The following GVQW3 variants were observed in gnomAD, a reference collection of about 807,000 sequenced individuals.
GVQW3 encodes protein GVQW3.
Under a neutral mutation model 12.5 loss-of-function variants are expected in GVQW3, and 7 were observed. The observed-to-expected ratio is 0.56, with a 90% CI of 0.32 to 1.05. GVQW3 has a LOEUF of 1.05. Among genes scored for constraint, GVQW3 ranks in the 50% least tolerant of loss-of-function variants. GVQW3 has a pLI of 0.04. For synonymous variants in GVQW3, 71 were observed against 67.2 expected (o/e 1.06, Z -0.28); for missense variants, 188 against 190.8 (o/e 0.99, Z 0.09).
At chr11:76,394,279 A>T (rs1946920213) in intron 1 of GVQW3, among the ~76,000 whole-genome samples, 1 of 152,064 alleles carries the variant, frequency 6.6e-6, no homozygotes, top group South Asian at 2.1e-4. Context: ...GATCTTGTCC[A>T]TTCTTTCTAA....
At chr11:76,384,886 T>C (rs781146270) in intron 1 of GVQW3, among the ~76,000 whole-genome samples, 1 of 152,252 alleles carries the variant, frequency 6.6e-6, no homozygotes, top group African/African-American at 2.4e-5. Flanking sequence ...CTGAACCTCA[T>C]AGTAATCCTT....
intron 1 of GVQW3, among the ~76,000 whole-genome samples, chr11:76,401,773 CAA>C (rs5792720): frequency 3.3e-4 from 29 of 88,908 alleles, no homozygotes; most frequent in Admixed American, 4.5e-4. Flanking sequence ...AACTCTGTCT[CAA>C]AAAAAAAAAA....
intron 1 of GVQW3, among the ~76,000 whole-genome samples, chr11:76,388,205 G>A (rs543677270): frequency 6.6e-6 from 1 of 152,324 alleles, no homozygotes; most frequent in Non-Finnish European, 1.5e-5. Flanking sequence ...GGTAGCATTT[G>A]AATAAGCTTA....
chr11:76,381,741 TAC>T lies in GVQW3; in HGVS notation c.-85_-84del. Reference sequence around the variant, plus strand: ...AGAAGAGCAAGAAGAGCGATATGATTACACCTGCAGCCCTATAAAGATTGATC... The same window carrying T: ...AGAAGAGCAAGAAGAGCGATATGATTACCTGCAGCCCTATAAAGATTGATC... On this transcript the variant is annotated 5_prime_UTR_variant, in exon 1 of 2. The change abolishes the stop of an existing upstream ORF in the 5' untranslated region. Coordinates refer to ENST00000529331, the MANE Select transcript of GVQW3 (RefSeq NM_001347885.2). The T allele has an allele frequency of 8.4e-7, 1 of 1,195,298 alleles. No homozygotes were observed. The highest frequency in any genetic ancestry group is 1.5e-5 in the African/African-American group (1 of 65,104). The allele number at this position is 1,195,298 out of a possible 1,614,324, so 74.0% of individuals were successfully genotyped here.
intron 1 of GVQW3, among the ~76,000 whole-genome samples, chr11:76,397,002 CTTTTTTTT>C (rs11401694): frequency 7.2e-5 from 8 of 110,872 alleles, no homozygotes; most frequent in Non-Finnish European, 1.1e-4. Flanking sequence ...TCATTTATTC[CTTTTTTTT>C]TTTTTTTTTT....
rs1045987757 is a variant in GVQW3 at position 76,407,719 on chromosome 11, A to G, written c.*3961A>G. The G allele has an allele frequency of 6.6e-6, 1 of 152,082 alleles. No individual in the cohort carries two copies. Among genetic ancestry groups the G allele is most frequent in the Non-Finnish European group, 1.5e-5 (1 of 68,030 alleles). The allele number at this position is 152,082 out of a possible 1,614,324, so 9.4% of individuals were successfully genotyped here. A position where few individuals can be genotyped will look rare whatever the true frequency, so the allele number is the denominator to read the frequency against. ...TGTAACAGCCATTCATTGCAGACTTATTTGTAAAAGTAGTAAAAAGAAGGA... is the reference window on the plus strand; with the variant it reads ...TGTAACAGCCATTCATTGCAGACTTGTTTGTAAAAGTAGTAAAAAGAAGGA... On this transcript the variant is annotated 3_prime_UTR_variant, in exon 2 of 2. Transcript: ENST00000529331.
chr11:76,391,350 G>A (rs936008125), intron 1 of GVQW3, among the ~76,000 whole-genome samples: 3 of 152,222 alleles, frequency 2.0e-5, no homozygotes, highest in African/African-American at 7.2e-5. Context: ...AAGCAAAACA[G>A]ACTAGAAGAC....
At chr11:76,410,580 A>G (rs982452080), downstream of GVQW3, among the ~76,000 whole-genome samples, 1 of 152,202 alleles carries the variant, frequency 6.6e-6, no homozygotes, top group African/African-American at 2.4e-5. Flanking sequence ...ACCCAAAGTG[A>G]ATCAGTCTCT....
intron 1 of GVQW3, among the ~76,000 whole-genome samples, chr11:76,403,197 C>T (rs907810229): frequency 6.6e-6 from 1 of 152,180 alleles, no homozygotes; most frequent in Admixed American, 6.5e-5. Context: ...CCGCCTGCCT[C>T]AGCCTCCCAA....
At chr11:76,389,539 CA>C (rs1378987025) in intron 1 of GVQW3, 2 of 152,150 alleles carry the variant, frequency 1.3e-5, no homozygotes, top group South Asian at 2.1e-4. Context: ...ATAATCCCTA[CA>C]AAAAAACACA....
downstream of GVQW3, chr11:76,408,184 T>C (rs1234043757): frequency 6.6e-6 from 1 of 152,078 alleles, no homozygotes; most frequent in Non-Finnish European, 1.5e-5. Flanking sequence ...TTCTGAGGGT[T>C]TAGTGGAGGA....
chr11:76,398,134 C>CAAA (rs58006104), intron 1 of GVQW3, among the ~76,000 whole-genome samples: 4 of 108,062 alleles, frequency 3.7e-5, no homozygotes, highest in African/African-American at 6.6e-5. Flanking sequence ...GACTGTGTCT[C>CAAA]AAAAAAAAAA....
chr11:76,388,616 G>T (rs1946860439), intron 1 of GVQW3, among the ~76,000 whole-genome samples: 1 of 151,614 alleles, frequency 6.6e-6, no homozygotes, highest in South Asian at 2.1e-4. Context: ...ATGCTATCTT[G>T]TGTGCCGAGA....
exon 2 of GVQW3, chr11:76,414,286 C>A (rs7927515): frequency 0.39 from 59,740 of 151,642 alleles, 12,658 homozygotes; most frequent in African/African-American, 0.55. Context: ...GAACTGGGAA[C>A]TTCTATACTC....
rs1947013504 is a variant in GVQW3, at chr11:76,403,813, C to T, written c.*55C>T. 3 of 644,946 alleles carry T rather than the reference C, an allele frequency of 4.7e-6. No homozygotes were observed. Among genetic ancestry groups the T allele is most frequent in the Non-Finnish European group, 5.7e-6 (2 of 349,688 alleles). The allele number at this position is 644,946 out of a possible 1,614,324, so 40.0% of individuals were successfully genotyped here. ...CAATGGTGTAAATTCCAGTCTGAGT[C>T]CACAGGCCGAAGAGCGAGGAGTGCT... On this transcript the variant is annotated 3_prime_UTR_variant, in exon 2 of 2. Transcript: ENST00000529331.
chr11:76,383,215 A>G (rs925662874), intron 1 of GVQW3: 2 of 152,218 alleles, frequency 1.3e-5, no homozygotes, highest in African/African-American at 4.8e-5. Context: ...CTAGTCCCTG[A>G]ATTAAGGGAG....
intron 1 of GVQW3, among the ~76,000 whole-genome samples, chr11:76,396,954 A>T (rs1418917007): frequency 6.8e-6 from 1 of 147,940 alleles, no homozygotes; most frequent in Non-Finnish European, 1.5e-5. Context: ...ACTTAGCCTA[A>T]TGTTTTTAAG....
intron 1 of GVQW3, among the ~76,000 whole-genome samples, chr11:76,398,028 G>A (rs977280793): frequency 3.3e-5 from 5 of 151,786 alleles, no homozygotes; most frequent in South Asian, 4.2e-4. Flanking sequence ...TCAGCTACTC[G>A]GGAGGCTGAG....
chr11:76,397,745 A>G (rs1392039803), intron 1 of GVQW3, among the ~76,000 whole-genome samples: 1 of 152,260 alleles, frequency 6.6e-6, no homozygotes, highest in Non-Finnish European at 1.5e-5. Flanking sequence ...GGTTGATAGC[A>G]TAATGTGGTA....
Sources: gnomAD v4.1 joint callset for allele counts (sites outside exome capture counted in the v4.1 genomes callset) on GRCh38, gnomAD v4.1.1 for gene constraint, MANE v1.5 for transcripts, NCBI Gene and HGNC (gene_info 2026-07-23, HGNC 2026-07-21) for gene names.